INPP4B: variants seen among roughly 807,000 people sequenced by gnomAD.
INPP4B encodes inositol polyphosphate 4-phosphatase type II.
In INPP4B, 55 loss-of-function variants were observed where a neutral mutation model predicts 122.5. The ratio of observed to expected loss-of-function variants is 0.45; its 90% CI spans 0.36 to 0.56. The LOEUF (loss-of-function observed/expected upper bound fraction) is 0.56. Ranked by LOEUF, INPP4B falls within the 20% of genes least tolerant of loss-of-function variation. INPP4B has a pLI of 0.00. For synonymous variants in INPP4B, 403 were observed against 388.7 expected (o/e 1.04, Z -0.43); for missense variants, 1,000 against 1,097.7 (o/e 0.91, Z 1.26).
At chr4:142,293,040 C>CTTTTTTT (rs367850143) in intron 9 of INPP4B, among the ~76,000 whole-genome samples, 2 of 145,928 alleles carry the variant, frequency 1.4e-5, no homozygotes, top group Non-Finnish European at 1.5e-5. Flanking sequence ...TTTTTATACC[C>CTTTTTTT]TTTTTTTTTT....
intron 2 of INPP4B, chr4:142,518,758 A>T (rs1412947501): frequency 2.0e-5 from 3 of 152,236 alleles, no homozygotes; most frequent in Admixed American, 2.0e-4. Context: ...AATGGCCCAC[A>T]TGATGAGAAA....
chr4:142,424,974 A>G (rs1399084181), intron 5 of INPP4B, among the ~76,000 whole-genome samples: 1 of 152,100 alleles, frequency 6.6e-6, no homozygotes, highest in Non-Finnish European at 1.5e-5. Context: ...GAGAAAACCA[A>G]GAAATAATGG....
intron 3 of INPP4B, among the ~76,000 whole-genome samples, chr4:142,437,183 G>A (rs1370391735): frequency 6.6e-6 from 1 of 151,970 alleles, no homozygotes; most frequent in Non-Finnish European, 1.5e-5. Flanking sequence ...CTATCTTGCT[G>A]AAATAAGGTA....
intron 12 of INPP4B, among the ~76,000 whole-genome samples, chr4:142,221,086 G>T (rs571082899): frequency 1.3e-5 from 2 of 152,022 alleles, no homozygotes; most frequent in Non-Finnish European, 2.9e-5. Flanking sequence ...GCTATGCTGT[G>T]TGGACTCTCT....
chr4:142,618,099 G>T (rs1310255050), intron 2 of INPP4B, among the ~76,000 whole-genome samples: 1 of 151,952 alleles, frequency 6.6e-6, no homozygotes, highest in Non-Finnish European at 1.5e-5. Context: ...TATATCCAAT[G>T]GGGAACATTA....
At chr4:142,071,578 A>G (rs899696744) in intron 25 of INPP4B, among the ~76,000 whole-genome samples, 2 of 152,350 alleles carry the variant, frequency 1.3e-5, no homozygotes, top group African/African-American at 4.8e-5. Context: ...AATTTTTACA[A>G]TCTACCCATC....
intron 18 of INPP4B, among the ~76,000 whole-genome samples, chr4:142,139,452 G>A (rs114874209): frequency 0.01 from 1,566 of 152,082 alleles, 14 homozygotes; most frequent in African/African-American, 0.033. Context: ...GACTACAGGC[G>A]CGTGCTACCA....
At chr4:142,614,987 T>G (rs1743389136) in intron 2 of INPP4B, among the ~76,000 whole-genome samples, 1 of 152,168 alleles carries the variant, frequency 6.6e-6, no homozygotes, top group Non-Finnish European at 1.5e-5. Context: ...GTATGGAGAT[T>G]TCTAAAGAAC....
At chr4:142,828,481 A>G (rs1046493577) in intron 1 of INPP4B, among the ~76,000 whole-genome samples, 1 of 152,226 alleles carries the variant, frequency 6.6e-6, no homozygotes, top group South Asian at 2.1e-4. Context: ...ATTCTTTTAC[A>G]TGAGTCCAAG....
chr4:142,641,333 A>G (rs1383672728), intron 2 of INPP4B, among the ~76,000 whole-genome samples: 1 of 152,002 alleles, frequency 6.6e-6, no homozygotes, highest in Non-Finnish European at 1.5e-5. Flanking sequence ...GGTTTGTTAC[A>G]CATATATACA....
intron 2 of INPP4B, among the ~76,000 whole-genome samples, chr4:142,655,971 A>G (rs1754056215): frequency 6.6e-6 from 1 of 152,232 alleles, no homozygotes; most frequent in Non-Finnish European, 1.5e-5. Flanking sequence ...GAAATACAAC[A>G]TACAGGTAAA....
At chr4:142,625,915 G>A (rs934616999) in intron 2 of INPP4B, among the ~76,000 whole-genome samples, 9 of 152,062 alleles carry the variant, frequency 5.9e-5, no homozygotes, top group Non-Finnish European at 1.2e-4. Context: ...GGTGCTGGGA[G>A]AACTGGCTAG....
At chr4:142,202,289 C>T (rs1280577053) in intron 14 of INPP4B, among the ~76,000 whole-genome samples, 1 of 151,908 alleles carries the variant, frequency 6.6e-6, no homozygotes, top group Admixed American at 6.6e-5. Flanking sequence ...TCTAAAATTC[C>T]TACAACTATA....
intron 5 of INPP4B, among the ~76,000 whole-genome samples, chr4:142,424,807 A>G (rs966492875): frequency 6.6e-6 from 1 of 152,056 alleles, no homozygotes; most frequent in African/African-American, 2.4e-5. Context: ...GTGAAACAGG[A>G]AAAAGAGGGT....
At chr4:142,453,552 C>T (rs1287684632) in intron 3 of INPP4B, among the ~76,000 whole-genome samples, 1 of 151,994 alleles carries the variant, frequency 6.6e-6, no homozygotes, top group Non-Finnish European at 1.5e-5. Flanking sequence ...AATATATATA[C>T]ATGATTATTG....
chr4:142,129,961 G>A (rs1240823670), intron 18 of INPP4B, among the ~76,000 whole-genome samples: 1 of 152,122 alleles, frequency 6.6e-6, no homozygotes, highest in Non-Finnish European at 1.5e-5. Flanking sequence ...CCTTCAAGGA[G>A]CTAAAATTGA....
chr4:142,739,733 A>C (rs140981573), intron 1 of INPP4B, among the ~76,000 whole-genome samples: 132 of 152,172 alleles, frequency 8.7e-4, no homozygotes, highest in African/African-American at 3.1e-3. Context: ...TCATTAGGTC[A>C]TTGGATTAAA....
chr4:142,841,347 T>C (rs778150329), intron 1 of INPP4B, among the ~76,000 whole-genome samples: 7 of 151,980 alleles, frequency 4.6e-5, no homozygotes, highest in African/African-American at 1.7e-4. Context: ...GTTGTTCTAA[T>C]GGCAAGAGCT....
intron 2 of INPP4B, among the ~76,000 whole-genome samples, chr4:142,678,927 A>C (rs2150672498): frequency 6.6e-6 from 1 of 151,964 alleles, no homozygotes; most frequent in African/African-American, 2.4e-5. Context: ...ATCTTCTCTA[A>C]TCCTTAACAA....
Sources: gnomAD v4.1 joint callset for allele counts (sites outside exome capture counted in the v4.1 genomes callset) on GRCh38, gnomAD v4.1.1 for gene constraint, MANE v1.5 for transcripts, NCBI Gene and HGNC (gene_info 2026-07-23, HGNC 2026-07-21) for gene names.